Variants in ANXA10 observed in about 807,000 individuals in gnomAD.
ANXA10 encodes the protein annexin A10.
A neutral mutation model predicts 53.5 loss-of-function variants in ANXA10; 49 were observed. The ratio of observed to expected loss-of-function variants is 0.92; its 90% CI spans 0.73 to 1.16. ANXA10 has a LOEUF of 1.16. Ranked by LOEUF, ANXA10 falls within the 50% of genes most tolerant of loss-of-function variation. The probability of loss-of-function intolerance (pLI) is 0.00; values close to 1 mark genes in which losing one functional copy is unlikely to be tolerated. For missense variants in ANXA10, 393 were observed against 394.4 expected, an observed-to-expected ratio of 1.00 and a Z score of 0.03; for synonymous variants, 131 against 128.9, an observed-to-expected ratio of 1.02 and a Z score of -0.11.
chr4:168,141,636 G>A (rs1403641393), intron 3 of ANXA10, among the ~76,000 whole-genome samples: 1 of 152,248 alleles, frequency 6.6e-6, no homozygotes, highest in Non-Finnish European at 1.5e-5. Flanking sequence ...ACAATTCAAA[G>A]ACAGCAGAAA....
chr4:168,163,633 T>A (rs1205508402), intron 4 of ANXA10, among the ~76,000 whole-genome samples: 1 of 151,734 alleles, frequency 6.6e-6, no homozygotes, highest in Non-Finnish European at 1.5e-5. Flanking sequence ...ATGCTAAGGA[T>A]TTCTGAGGCT....
At chr4:168,123,859 G>A (rs753271895) in intron 1 of ANXA10, among the ~76,000 whole-genome samples, 7 of 152,188 alleles carry the variant, frequency 4.6e-5, no homozygotes, top group Middle Eastern at 3.4e-3. Flanking sequence ...ACTAGTAAGG[G>A]GAGGTCACAG....
intron 1 of ANXA10, among the ~76,000 whole-genome samples, chr4:168,119,178 T>G (rs922776119): frequency 1.5e-4 from 23 of 152,158 alleles, no homozygotes; most frequent in African/African-American, 5.6e-4. Context: ...GATGAGGAAA[T>G]GAGGCTGAAA....
At chr4:168,165,757 A>G (rs1409698616) in intron 6 of ANXA10, among the ~76,000 whole-genome samples, 1 of 151,870 alleles carries the variant, frequency 6.6e-6, no homozygotes, top group Non-Finnish European at 1.5e-5. Context: ...GCTCACTGCA[A>G]CCTCCTCCTC....
At chr4:168,105,792 T>G (rs1730710719) in intron 1 of ANXA10, among the ~76,000 whole-genome samples, 1 of 152,174 alleles carries the variant, frequency 6.6e-6, no homozygotes, top group Non-Finnish European at 1.5e-5. Context: ...ATTTTTTGAC[T>G]TTTTATTAAC....
intron 1 of ANXA10, among the ~76,000 whole-genome samples, chr4:168,109,876 T>C (rs906768148): frequency 2.0e-5 from 3 of 152,202 alleles, no homozygotes; most frequent in Non-Finnish European, 4.4e-5. Context: ...CTATCTAAGT[T>C]ATCTCACTTA....
At chr4:168,137,070 T>C (rs1165854611) in intron 2 of ANXA10, among the ~76,000 whole-genome samples, 1 of 152,148 alleles carries the variant, frequency 6.6e-6, no homozygotes, top group Non-Finnish European at 1.5e-5. Context: ...AGGCTGGAGC[T>C]GGAGCAGCTG....
chr4:168,178,893 G>A (rs1377240681), intron 8 of ANXA10, among the ~76,000 whole-genome samples: 1 of 152,074 alleles, frequency 6.6e-6, no homozygotes, highest in Non-Finnish European at 1.5e-5. Context: ...TATTATATAT[G>A]TCCTAAATAA....
Position 168,177,772 on chromosome 4 carries a change from G to C in ANXA10, c.513G>C (p.Ala171=). 1 of 1,614,138 alleles carries C rather than the reference G, an allele frequency of 6.2e-7. No homozygotes were observed. Among genetic ancestry groups the C allele is most frequent in the East Asian group, 2.2e-5 (1 of 44,880 alleles). The change falls in exon 7 of 12, where the codon GCG becomes GCC. Residue 171 remains alanine, a synonymous_variant. Coordinates refer to ENST00000359299, the MANE Select transcript of ANXA10 (RefSeq NM_007193.5). The part of the protein sequence containing the change: ...GTREEGYTDP[A]MAAQDAMVLW... Reference sequence around the variant, plus strand: ...GAGAGGAAGGATATACAGACCCTGCGATGGCTGCTCAGGATGCAATGGTAA... The same window carrying C: ...GAGAGGAAGGATATACAGACCCTGCCATGGCTGCTCAGGATGCAATGGTAA...
chr4:168,178,103 AG>A, intron 8 of ANXA10, 120 bp downstream of exon 8: 1 of 861,144 alleles, frequency 1.2e-6, no homozygotes, highest in Non-Finnish European at 1.8e-6. Context: ...GTTATCTCAA[AG>A]GTACTTATTT....
chr4:168,182,534 T>C (rs186341925), intron 10 of ANXA10, among the ~76,000 whole-genome samples: 4,834 of 148,878 alleles, frequency 0.032, 120 homozygotes, highest in Non-Finnish European at 0.05. Context: ...GGGGTTTCAC[T>C]GTGTTACCCA....
intron 11 of ANXA10, 84 bp downstream of exon 11, chr4:168,184,765 A>G (rs1732332129): frequency 6.5e-7 from 1 of 1,542,540 alleles, no homozygotes; most frequent in Non-Finnish European, 8.8e-7. Context: ...AAATAACTTC[A>G]TGGCAGACTC....
At chr4:168,096,911 C>CATATATATATATATATATATGTATATAT (rs35451323) in intron 1 of ANXA10, among the ~76,000 whole-genome samples, 3 of 109,658 alleles carry the variant, frequency 2.7e-5, no homozygotes, top group African/African-American at 5.1e-5. Context: ...AATACAAATG[C>CATATATATATATATATATATGTATATAT]ATATATATAT....
At chr4:168,103,852 C>A (rs2149464822) in intron 1 of ANXA10, among the ~76,000 whole-genome samples, 1 of 151,928 alleles carries the variant, frequency 6.6e-6, no homozygotes, top group East Asian at 1.9e-4. Flanking sequence ...TCTGTTTCTT[C>A]TATTCCAATA....
At chr4:168,141,088 AATTTAAAAT>A (rs1170214628) in intron 3 of ANXA10, among the ~76,000 whole-genome samples, 3 of 152,226 alleles carry the variant, frequency 2.0e-5, no homozygotes, top group Non-Finnish European at 2.9e-5. Flanking sequence ...ACACTCAAGG[AATTTAAAAT>A]CTACTAAAGA....
At chr4:168,119,817 T>C (rs1468340479) in intron 1 of ANXA10, among the ~76,000 whole-genome samples, 1 of 152,092 alleles carries the variant, frequency 6.6e-6, no homozygotes, top group Non-Finnish European at 1.5e-5. Flanking sequence ...GGTAAGATAG[T>C]GCTGGAAAAT....
chr4:168,162,504 A>G (rs1483991840), intron 3 of ANXA10, 24 bp from the exon 4 acceptor site: 1 of 1,518,126 alleles, frequency 6.6e-7, no homozygotes, highest in Admixed American at 1.7e-5. Context: ...CATATAATAA[A>G]TATATGTACT....
chr4:168,165,460 C>T (rs1490088438), intron 6 of ANXA10, 134 bp downstream of exon 6: 11 of 423,156 alleles, frequency 2.6e-5, no homozygotes, highest in Non-Finnish European at 4.1e-5. Flanking sequence ...TGTGTAGTAA[C>T]ATTTACTGAA....
At chr4:168,127,906 TAG>T (rs1193094872) in intron 1 of ANXA10, 176 bp from the exon 2 acceptor site, 4 of 564,032 alleles carry the variant, frequency 7.1e-6, no homozygotes, top group Non-Finnish European at 9.5e-6. Flanking sequence ...GTATTTTTTG[TAG>T]AGAGGGGGTT....
Sources: gnomAD v4.1 joint callset for allele counts (sites outside exome capture counted in the v4.1 genomes callset) on GRCh38, gnomAD v4.1.1 for gene constraint, MANE v1.5 for transcripts, NCBI Gene and HGNC (gene_info 2026-07-23, HGNC 2026-07-21) for gene names.